Variants in SUCLG2 observed in about 807,000 individuals in gnomAD.
SUCLG2 encodes the protein succinate--CoA ligase [GDP-forming] subunit beta, mitochondrial.
Under a neutral mutation model 47.9 loss-of-function variants are expected in SUCLG2, and 42 were observed. The ratio of observed to expected loss-of-function variants is 0.88; its 90% CI spans 0.69 to 1.14. SUCLG2 has a LOEUF of 1.14. Ranked by LOEUF, SUCLG2 falls within the 50% of genes most tolerant of loss-of-function variation. SUCLG2 has a pLI of 0.00. For missense variants in SUCLG2, 571 were observed against 525.9 expected, an observed-to-expected ratio of 1.09 and a Z score of -0.84; for synonymous variants, 195 against 197.3, an observed-to-expected ratio of 0.99 and a Z score of 0.10.
At chr3:67,542,099 C>A (rs943688306) in intron 2 of SUCLG2, among the ~76,000 whole-genome samples, 9 of 152,028 alleles carry the variant, frequency 5.9e-5, no homozygotes, top group African/African-American at 2.2e-4. Context: ...GTCTCAAACT[C>A]CCAACCTCAG....
At chr3:67,430,779 G>A (rs568134201) in intron 9 of SUCLG2, among the ~76,000 whole-genome samples, 5 of 152,098 alleles carry the variant, frequency 3.3e-5, no homozygotes, top group South Asian at 4.2e-4. Context: ...TATGACCACC[G>A]ATCCCACAGA....
chr3:67,530,286 T>A (rs978680676), intron 2 of SUCLG2, among the ~76,000 whole-genome samples: 4 of 152,190 alleles, frequency 2.6e-5, no homozygotes, highest in African/African-American at 9.6e-5. Flanking sequence ...AAGGGTTGTT[T>A]TAAAAATTAA....
chr3:67,539,161 C>T (rs1224041460), intron 2 of SUCLG2, among the ~76,000 whole-genome samples: 3 of 152,160 alleles, frequency 2.0e-5, no homozygotes, highest in Non-Finnish European at 2.9e-5. Context: ...ATGCTTCCTG[C>T]TTTTGCCCAT....
intron 9 of SUCLG2, among the ~76,000 whole-genome samples, chr3:67,485,659 T>C (rs11915530): frequency 0.025 from 3,882 of 152,286 alleles, 164 homozygotes; most frequent in African/African-American, 0.088. Context: ...TTTTTTAAAA[T>C]ATCACACTTT....
In SUCLG2 at chr3:67,526,531, C is replaced by T. The variant is rs116130453; in HGVS notation, c.417+1601G>A. Among the ~76,000 whole-genome samples the T allele has an allele frequency of 3.5e-3, 531 of 152,234 alleles. 2 individuals are homozygous for T. The highest frequency in any genetic ancestry group is 4.5e-3 in the Non-Finnish European group (304 of 68,016). ...TGCATTTTGGAGGGAGCATTCAGAC[C>T]ATAGCATCCATGAACAGACAATTCA... On this transcript the variant is annotated intron_variant, in intron 4 of 10. Transcript: ENST00000307227.
intron 9 of SUCLG2, among the ~76,000 whole-genome samples, chr3:67,423,273 G>A (rs1355283761): frequency 6.6e-6 from 1 of 152,084 alleles, no homozygotes; most frequent in Admixed American, 6.6e-5. Flanking sequence ...CCTGTGAAGA[G>A]GTGCCTTCTG....
At chr3:67,393,641 TC>T (rs1441536315) in intron 10 of SUCLG2, among the ~76,000 whole-genome samples, 2 of 152,200 alleles carry the variant, frequency 1.3e-5, no homozygotes, top group African/African-American at 4.8e-5. Flanking sequence ...GACTTTAATG[TC>T]CCTGTCTGAC....
intron 1 of SUCLG2, among the ~76,000 whole-genome samples, chr3:67,622,473 C>CT (rs1700752167): frequency 6.6e-6 from 1 of 152,134 alleles, no homozygotes; most frequent in South Asian, 2.1e-4. Flanking sequence ...TACTTTACGT[C>CT]TTTTATTTTA....
chr3:67,428,984 C>A (rs1467435224), intron 9 of SUCLG2, among the ~76,000 whole-genome samples: 2 of 152,098 alleles, frequency 1.3e-5, no homozygotes, highest in African/African-American at 4.8e-5. Flanking sequence ...ATTGGTGTAC[C>A]TGAAAGTGAC....
chr3:67,558,295 A>T, intron 2 of SUCLG2, among the ~76,000 whole-genome samples: 1 of 151,910 alleles, frequency 6.6e-6, no homozygotes, highest in Non-Finnish European at 1.5e-5. Flanking sequence ...GTGCCTCATA[A>T]GAAACAATTA....
intron 10 of SUCLG2, among the ~76,000 whole-genome samples, chr3:67,393,614 C>T (rs954332625): frequency 6.6e-6 from 1 of 152,230 alleles, no homozygotes; most frequent in African/African-American, 2.4e-5. Flanking sequence ...AACAAAAAGA[C>T]AGCAGTAACC....
chr3:67,480,604 T>C (rs995945927), intron 9 of SUCLG2, among the ~76,000 whole-genome samples: 17 of 152,172 alleles, frequency 1.1e-4, no homozygotes, highest in Non-Finnish European at 1.8e-4. Context: ...TACTAGGGAA[T>C]GTAGCCTCCT....
At chr3:67,621,005 T>A (rs1700726985) in intron 1 of SUCLG2, among the ~76,000 whole-genome samples, 1 of 152,200 alleles carries the variant, frequency 6.6e-6, no homozygotes, top group South Asian at 2.1e-4. Context: ...GGGAGAGAGC[T>A]GCATTAAACC....
chr3:67,440,058 G>A (rs536917340), intron 9 of SUCLG2, among the ~76,000 whole-genome samples: 1 of 152,042 alleles, frequency 6.6e-6, no homozygotes, highest in Non-Finnish European at 1.5e-5. Context: ...ATAGAACAAA[G>A]CCCTCAGAAA....
chr3:67,374,057 A>G (rs1701988226), downstream of SUCLG2, among the ~76,000 whole-genome samples: 1 of 152,228 alleles, frequency 6.6e-6, no homozygotes, highest in Non-Finnish European at 1.5e-5. Flanking sequence ...TGATTCAAAC[A>G]TAGTCCTCTT....
intron 6 of SUCLG2, among the ~76,000 whole-genome samples, chr3:67,512,983 TATAG>T (rs1160280289): frequency 2.0e-5 from 3 of 150,734 alleles, no homozygotes; most frequent in African/African-American, 7.5e-5. Flanking sequence ...AGATAATACG[TATAG>T]ATATATATAG....
chr3:67,514,080 C>T (rs923080745), intron 6 of SUCLG2: 2 of 341,444 alleles, frequency 5.9e-6, no homozygotes, highest in Non-Finnish European at 1.2e-5. Context: ...AACAGCAGTA[C>T]TTGCTTCAGT....
chr3:67,379,671 C>T lies in SUCLG2; in HGVS notation c.1184-3812G>A, dbSNP rs899357776. Among the ~76,000 whole-genome samples the T allele has an allele frequency of 4.6e-5, 7 of 152,258 alleles. 1 individual carries two copies. Among genetic ancestry groups the T allele is most frequent in the African/African-American group, 9.6e-5 (4 of 41,468 alleles). ...AGAAATTCATGAGCACAAAGATGTG[C>T]TGGGCCACTGCCCTTGCTGGGCTTT... On this transcript the variant is annotated intron_variant, in intron 10 of 10. Coordinates refer to ENST00000307227, the MANE Select transcript of SUCLG2 (RefSeq NM_003848.4).
chr3:67,638,619 T>C (rs914598682), intron 1 of SUCLG2, among the ~76,000 whole-genome samples: 1 of 152,142 alleles, frequency 6.6e-6, no homozygotes, highest in African/African-American at 2.4e-5. Context: ...GTCATCAAAG[T>C]CTAATTCCAG....
Sources: gnomAD v4.1 joint callset for allele counts (sites outside exome capture counted in the v4.1 genomes callset) on GRCh38, gnomAD v4.1.1 for gene constraint, MANE v1.5 for transcripts, NCBI Gene and HGNC (gene_info 2026-07-23, HGNC 2026-07-21) for gene names.